STAG1: variants seen among roughly 807,000 people sequenced by gnomAD.
STAG1 encodes STAG1 cohesin complex component.
STAG1 carries 26 observed loss-of-function variants against 170.9 expected under a neutral mutation model. The observed-to-expected ratio is 0.15, with a 90% CI of 0.11 to 0.21. The LOEUF (loss-of-function observed/expected upper bound fraction) is 0.21. Among genes scored for constraint, STAG1 ranks in the 10% least tolerant of loss-of-function variants. The probability of loss-of-function intolerance (pLI) is 1.00; values close to 1 mark genes in which losing one functional copy is unlikely to be tolerated. For synonymous variants in STAG1, 514 were observed against 497.7 expected (o/e 1.03, Z -0.44); for missense variants, 964 against 1,509.5 (o/e 0.64, Z 5.99).
At chr3:136,430,860 T>G (rs2088282656) in intron 16 of STAG1, among the ~76,000 whole-genome samples, 2 of 139,138 alleles carry the variant, frequency 1.4e-5, no homozygotes, top group African/African-American at 5.3e-5. Context: ...CACAGCCTTT[T>G]ACCTTTTATA....
chr3:136,396,202 TAAC>T (rs1201962431), intron 22 of STAG1, among the ~76,000 whole-genome samples: 3 of 130,064 alleles, frequency 2.3e-5, no homozygotes, highest in Non-Finnish European at 3.3e-5. Flanking sequence ...AGGCCCAGTG[TAAC>T]ACAGTTTTTT....
Position 136,630,910 on chromosome 3 carries a change from T to A in STAG1, c.-12A>T. ...TCTGAAGTAATCATTGCTGGAGAGG[T>A]CCTTTCACAATGCAGCAAAATAATC... is the stretch of plus-strand genomic sequence containing the variant. On this transcript the variant is annotated 5_prime_UTR_variant, in exon 2 of 34. Coordinates refer to ENST00000383202, the MANE Select transcript of STAG1 (RefSeq NM_005862.3). The A allele has an allele frequency of 6.4e-7, 1 of 1,563,726 alleles. No homozygotes were observed. Among genetic ancestry groups the A allele is most frequent in the Non-Finnish European group, 8.7e-7 (1 of 1,152,640 alleles).
intron 1 of STAG1, among the ~76,000 whole-genome samples, chr3:136,730,509 G>A (rs187921943): frequency 6.6e-6 from 1 of 152,234 alleles, no homozygotes; most frequent in African/African-American, 2.4e-5. Flanking sequence ...ACATAAAACT[G>A]CTGTGTTGTT....
At chr3:136,437,698 T>C (rs2088499337) in intron 15 of STAG1, among the ~76,000 whole-genome samples, 1 of 152,196 alleles carries the variant, frequency 6.6e-6, no homozygotes, top group Non-Finnish European at 1.5e-5. Context: ...TATTATTAAC[T>C]ATGGCTCTCT....
intron 1 of STAG1, among the ~76,000 whole-genome samples, chr3:136,680,976 T>C (rs1942314603): frequency 7.3e-6 from 1 of 136,552 alleles, no homozygotes; most frequent in Non-Finnish European, 1.5e-5. Context: ...CCTACAAACA[T>C]CTGTCCATAT....
intron 5 of STAG1, among the ~76,000 whole-genome samples, chr3:136,561,270 T>C (rs573506193): frequency 2.6e-5 from 4 of 152,360 alleles, no homozygotes; most frequent in South Asian, 2.1e-4. Context: ...TGCTAACTTA[T>C]AGATTTTGAG....
At chr3:136,615,507 G>A (rs1283857081) in intron 3 of STAG1, among the ~76,000 whole-genome samples, 1 of 151,030 alleles carries the variant, frequency 6.6e-6, no homozygotes, top group Admixed American at 6.6e-5. Context: ...GTGGCCGGTC[G>A]GTGGCTCACG....
At chr3:136,685,583 T>C (rs1452114974) in intron 1 of STAG1, among the ~76,000 whole-genome samples, 1 of 152,178 alleles carries the variant, frequency 6.6e-6, no homozygotes. Flanking sequence ...CTTCGGTAGG[T>C]GAATAGACAG....
intron 7 of STAG1, among the ~76,000 whole-genome samples, chr3:136,511,931 A>G (rs1353303020): frequency 8.0e-6 from 1 of 124,482 alleles, no homozygotes; most frequent in Non-Finnish European, 1.8e-5. Flanking sequence ...CAGAAAGGGT[A>G]GAAAAAGCAT....
chr3:136,369,374 T>A, intron 23 of STAG1, 92 bp from the exon 24 acceptor site: 1 of 940,128 alleles, frequency 1.1e-6, no homozygotes, highest in Non-Finnish European at 1.5e-6. Context: ...AAACATAGTT[T>A]AATAGCAGTA....
intron 12 of STAG1, among the ~76,000 whole-genome samples, chr3:136,468,372 T>G (rs1053377980): frequency 1.3e-5 from 2 of 152,046 alleles, no homozygotes; most frequent in Non-Finnish European, 2.9e-5. Flanking sequence ...GAGAATACTA[T>G]AAACACCTCT....
intron 1 of STAG1, among the ~76,000 whole-genome samples, chr3:136,662,540 C>A (rs1283035212): frequency 6.6e-6 from 1 of 152,044 alleles, no homozygotes; most frequent in Non-Finnish European, 1.5e-5. Flanking sequence ...ACCTCCCAGG[C>A]TCAAGTGAAC....
intron 4 of STAG1, among the ~76,000 whole-genome samples, chr3:136,591,233 A>AAGGGAGGG (rs895927331): frequency 1.1e-3 from 143 of 129,282 alleles, no homozygotes; most frequent in Non-Finnish European, 2.0e-3. Flanking sequence ...AAAAAAAAAG[A>AAGGGAGGG]AGGGAGGGAG....
chr3:136,733,744 A>T (rs1238952089), intron 1 of STAG1, among the ~76,000 whole-genome samples: 1 of 152,218 alleles, frequency 6.6e-6, no homozygotes, highest in Admixed American at 6.5e-5. Context: ...CAGTTAATTT[A>T]GGCTATAAGA....
chr3:136,675,363 T>G (rs1942100290), intron 1 of STAG1, among the ~76,000 whole-genome samples: 1 of 152,136 alleles, frequency 6.6e-6, no homozygotes, highest in African/African-American at 2.4e-5. Flanking sequence ...CAAAAATTAA[T>G]CATAGAGACA....
chr3:136,448,260 TA>T (rs2107770572), intron 14 of STAG1, among the ~76,000 whole-genome samples: 1 of 152,332 alleles, frequency 6.6e-6, no homozygotes, highest in East Asian at 1.9e-4. Context: ...TAATCCCAGG[TA>T]AATGTCTGTG....
chr3:136,671,929 AATG>A (rs2107876571), intron 1 of STAG1, among the ~76,000 whole-genome samples: 1 of 152,356 alleles, frequency 6.6e-6, no homozygotes, highest in South Asian at 2.1e-4. Flanking sequence ...ATCATTCACT[AATG>A]TAAGTGTAGA....
chr3:136,357,218 G>A (rs1305612832), intron 28 of STAG1, among the ~76,000 whole-genome samples: 1 of 152,168 alleles, frequency 6.6e-6, no homozygotes, highest in East Asian at 1.9e-4. Flanking sequence ...AAAGTGCTGA[G>A]ATTACAGGTG....
intron 4 of STAG1, among the ~76,000 whole-genome samples, chr3:136,602,446 T>C (rs1017011885): frequency 3.3e-5 from 5 of 151,784 alleles, no homozygotes; most frequent in Admixed American, 1.3e-4. Context: ...AAATTTTACA[T>C]AAAAATACAT....
Sources: gnomAD v4.1 joint callset for allele counts (sites outside exome capture counted in the v4.1 genomes callset) on GRCh38, gnomAD v4.1.1 for gene constraint, MANE v1.5 for transcripts, NCBI Gene and HGNC (gene_info 2026-07-23, HGNC 2026-07-21) for gene names.